DPP6: variants seen among roughly 807,000 people sequenced by gnomAD.
The protein encoded by DPP6 is A-type potassium channel modulatory protein DPP6.
A neutral mutation model predicts 122.6 loss-of-function variants in DPP6; 69 were observed. That is an observed-to-expected ratio of 0.56 (90% CI 0.46 to 0.69). The LOEUF is 0.69. DPP6 is among the 30% of genes least tolerant of loss of function. The probability of loss-of-function intolerance (pLI) is 0.00; values close to 1 mark genes in which losing one functional copy is unlikely to be tolerated. For missense variants in DPP6, 928 were observed against 1,116.9 expected (o/e 0.83, Z 2.41); for synonymous variants, 418 against 433.1 (o/e 0.97, Z 0.43).
chr7:153,835,675 T>C, the DPP6 span, among the ~76,000 whole-genome samples: 1 of 152,282 alleles, frequency 6.6e-6, no homozygotes, highest in African/African-American at 2.4e-5. Flanking sequence ...TTTTAGTAGT[T>C]TTTGATTGGT....
At chr7:154,616,589 C>T (rs746871756) in intron 5 of DPP6, among the ~76,000 whole-genome samples, 9 of 152,082 alleles carry the variant, frequency 5.9e-5, no homozygotes, top group Non-Finnish European at 8.8e-5. Context: ...GACTCTCGGG[C>T]GCGAGCGAAT....
intron 1 of DPP6, among the ~76,000 whole-genome samples, chr7:154,023,182 A>C (rs1798787873): frequency 6.6e-6 from 1 of 151,908 alleles, no homozygotes; most frequent in Non-Finnish European, 1.5e-5. Flanking sequence ...GGGAAGTGAC[A>C]AAGGTGCAGA....
In DPP6 at chr7:154,227,215, G is replaced by GACACACACACACATACACACAC. The variant is rs1554495535; in HGVS notation, c.243+174165_243+174166insTACACACACACACACACACACA. Among the ~76,000 whole-genome samples, 387 of 141,456 alleles carry GACACACACACACATACACACAC rather than the reference G, an allele frequency of 2.7e-3. 6 individuals are homozygous for GACACACACACACATACACACAC. Among genetic ancestry groups the GACACACACACACATACACACAC allele is most frequent in the African/African-American group, 9.9e-3 (369 of 37,364 alleles). 92.8% of individuals were successfully genotyped at this position (141,456 alleles called of 152,430 possible). A position where few individuals can be genotyped will look rare whatever the true frequency, so the allele number is the denominator to read the frequency against. ...AGATGAGTGGATAAAGAAAATGAGG[G>GACACACACACACATACACACAC]ACACACACACACACACCCCTAGGAA... On this transcript the variant is annotated intron_variant, in intron 1 of 25. Coordinates refer to ENST00000377770, the MANE Select transcript of DPP6 (RefSeq NM_130797.4).
intron 1 of DPP6, among the ~76,000 whole-genome samples, chr7:154,397,691 A>G (rs936654252): frequency 2.6e-5 from 4 of 152,208 alleles, no homozygotes; most frequent in Admixed American, 6.5e-5. Flanking sequence ...AGCTACTCAA[A>G]TTCCGATGGA....
chr7:153,827,888 G>C, the DPP6 span, among the ~76,000 whole-genome samples: 2 of 152,160 alleles, frequency 1.3e-5, no homozygotes, highest in Non-Finnish European at 2.9e-5. Context: ...TGTGTAACAA[G>C]GTGCCCCCTA....
intron 2 of DPP6, among the ~76,000 whole-genome samples, chr7:154,472,026 A>G (rs1421989941): frequency 6.6e-6 from 1 of 152,210 alleles, no homozygotes; most frequent in Non-Finnish European, 1.5e-5. Context: ...GAAAAACTTA[A>G]GAAAAAGCCC....
the DPP6 span, among the ~76,000 whole-genome samples, chr7:153,876,213 C>T: frequency 6.6e-6 from 1 of 151,764 alleles, no homozygotes; most frequent in African/African-American, 2.4e-5. Flanking sequence ...TTTACCATAC[C>T]TCTCTGAGAA....
At chr7:154,334,229 G>A (rs991955111) in intron 1 of DPP6, among the ~76,000 whole-genome samples, 1 of 151,828 alleles carries the variant, frequency 6.6e-6, no homozygotes, top group South Asian at 2.1e-4. Context: ...TCTTTTGAGT[G>A]CTAGCTTTTC....
intron 1 of DPP6, among the ~76,000 whole-genome samples, chr7:153,907,654 T>A (rs994178736): frequency 2.6e-5 from 4 of 152,094 alleles, no homozygotes; most frequent in African/African-American, 9.7e-5. Flanking sequence ...CAGTTGGAGG[T>A]CTGGATAGAA....
At chr7:154,116,689 GATCT>G (rs764920020) in intron 1 of DPP6, among the ~76,000 whole-genome samples, 17 of 152,166 alleles carry the variant, frequency 1.1e-4, no homozygotes, top group African/African-American at 3.1e-4. Flanking sequence ...TGTCATTTCT[GATCT>G]ATCTTTCTTG....
At chr7:154,300,427 TC>T (rs1171218493) in intron 1 of DPP6, among the ~76,000 whole-genome samples, 1 of 152,188 alleles carries the variant, frequency 6.6e-6, no homozygotes, top group Non-Finnish European at 1.5e-5. Context: ...GTACTTGTGC[TC>T]CATCAAATTG....
chr7:154,000,652 T>C (rs973865896), intron 1 of DPP6, among the ~76,000 whole-genome samples: 2 of 152,164 alleles, frequency 1.3e-5, no homozygotes, highest in African/African-American at 4.8e-5. Flanking sequence ...CTTTCAAGTT[T>C]TCATCTTTAA....
chr7:153,811,036 T>C, the DPP6 span, among the ~76,000 whole-genome samples: 109,944 of 150,890 alleles, frequency 0.73, 41,072 homozygotes, highest in African/African-American at 0.9. Context: ...TTAACTTGAC[T>C]TGGACTGTTG....
At chr7:154,322,178 A>G (rs185605299) in intron 1 of DPP6, among the ~76,000 whole-genome samples, 14 of 152,200 alleles carry the variant, frequency 9.2e-5, no homozygotes, top group Non-Finnish European at 2.1e-4. Context: ...GTCCACCTCT[A>G]GAGCAGCCAC....
intron 1 of DPP6, among the ~76,000 whole-genome samples, chr7:154,019,603 C>G (rs1798603442): frequency 6.6e-6 from 1 of 152,132 alleles, no homozygotes; most frequent in Non-Finnish European, 1.5e-5. Flanking sequence ...TATTACGAAG[C>G]AAGGAGCACA....
intron 1 of DPP6, chr7:154,094,254 T>G (rs2150556957): frequency 6.6e-6 from 1 of 152,244 alleles, no homozygotes; most frequent in East Asian, 1.9e-4. Flanking sequence ...TAAACATTGA[T>G]TGAAAGGTCA....
At chr7:154,256,131 G>A (rs537005878) in intron 1 of DPP6, among the ~76,000 whole-genome samples, 130 of 152,338 alleles carry the variant, frequency 8.5e-4, no homozygotes, top group African/African-American at 3.0e-3. Flanking sequence ...ACTCGAACAT[G>A]ATTTGATTAA....
chr7:154,771,271 T>TAGGC (rs34400866), intron 9 of DPP6, among the ~76,000 whole-genome samples: 32,727 of 152,108 alleles, frequency 0.22, 4,363 homozygotes, highest in Non-Finnish European at 0.3. Context: ...AACACAGACC[T>TAGGC]AGGCAGCTTA....
Position 154,481,344 on chromosome 7 carries a change from GGGGT to G in DPP6, c.457+6309_457+6312del, listed in dbSNP as rs1292777928. ...CTATACACTTGGAGAGAGAGAGAGA[GGGGT>G]GTGTGTGTGTGTGTGTGTGTGTGTG... is the stretch of plus-strand genomic sequence containing the variant. On this transcript the variant is annotated intron_variant, in intron 3 of 25. Coordinates refer to ENST00000377770, the MANE Select transcript of DPP6 (RefSeq NM_130797.4). The surrounding 1 kb of genome is among the most constrained non-coding windows in gnomAD (Gnocchi z 4.2). Among the ~76,000 whole-genome samples, 3,912 of 30,840 alleles carry G rather than the reference GGGGT, an allele frequency of 0.13. 141 individuals are homozygous for G. The highest frequency in any genetic ancestry group is 0.21 in the African/African-American group (3,299 of 15,550). The allele number at this position is 30,840 out of a possible 152,430, so 20.2% of individuals were successfully genotyped here. A position where few individuals can be genotyped will look rare whatever the true frequency, so the allele number is the denominator to read the frequency against.
Sources: allele counts gnomAD v4.1 joint callset (sites outside exome capture counted in the v4.1 genomes callset), GRCh38; gene constraint gnomAD v4.1.1; non-coding constraint Gnocchi (gnomAD v3.1); transcripts MANE v1.5; gene names NCBI Gene and HGNC (gene_info 2026-07-23, HGNC 2026-07-21).